CACNA2D1: variants seen among roughly 807,000 people sequenced by gnomAD.
CACNA2D1 encodes calcium voltage-gated channel auxiliary subunit alpha2delta 1, also known as voltage-dependent calcium channel subunit alpha-2/delta-1.
CACNA2D1 carries 53 observed loss-of-function variants against 171.5 expected under a neutral mutation model. The ratio of observed to expected loss-of-function variants is 0.31; its 90% CI spans 0.25 to 0.39. The LOEUF (loss-of-function observed/expected upper bound fraction) is 0.39, where lower values mean the gene tolerates loss of function less well. Ranked by LOEUF, CACNA2D1 falls within the 10% of genes least tolerant of loss-of-function variation. The pLI, the probability that CACNA2D1 is intolerant of heterozygous loss-of-function variation, is 1.00. For synonymous variants in CACNA2D1, 442 were observed against 443.1 expected (o/e 1.00, Z 0.03); for missense variants, 903 against 1,299.8 (o/e 0.69, Z 4.69).
intron 6 of CACNA2D1, among the ~76,000 whole-genome samples, chr7:82,089,920 T>A (rs1156459834): frequency 6.6e-6 from 1 of 152,180 alleles, no homozygotes; most frequent in Non-Finnish European, 1.5e-5. Context: ...CATACATTGA[T>A]GGCACCATAT....
intron 1 of CACNA2D1, among the ~76,000 whole-genome samples, chr7:82,358,240 T>C (rs1338215519): frequency 6.6e-6 from 1 of 152,142 alleles, no homozygotes; most frequent in East Asian, 1.9e-4. Context: ...AGTGTTCCTG[T>C]AGTTGGGTAA....
At chr7:82,344,993 C>T (rs182037160) in intron 2 of CACNA2D1, among the ~76,000 whole-genome samples, 227 of 152,148 alleles carry the variant, frequency 1.5e-3, no homozygotes, top group African/African-American at 5.1e-3. Flanking sequence ...TCAGCACTCC[C>T]GGAAATCTTT....
intron 3 of CACNA2D1, among the ~76,000 whole-genome samples, chr7:82,232,999 C>T (rs1803141585): frequency 6.6e-6 from 1 of 151,394 alleles, no homozygotes; most frequent in South Asian, 2.1e-4. Flanking sequence ...ACAGATACTC[C>T]AGGATTGCCT....
chr7:82,000,771 C>CTTTTTTTTTTTTTTTT (rs774565705), intron 18 of CACNA2D1, among the ~76,000 whole-genome samples: 11 of 51,912 alleles, frequency 2.1e-4, no homozygotes, highest in Non-Finnish European at 3.3e-4. Context: ...ATTTTTCTTT[C>CTTTTTTTTTTTTTTTT]TTTTTTTTTT....
At chr7:82,186,619 A>AT (rs1202646636) in intron 3 of CACNA2D1, among the ~76,000 whole-genome samples, 1 of 152,146 alleles carries the variant, frequency 6.6e-6, no homozygotes, top group Non-Finnish European at 1.5e-5. Context: ...TCAAAGAAAT[A>AT]TTTTTAGGTA....
chr7:82,050,610 G>A (rs904446303), intron 10 of CACNA2D1: 1 of 702,820 alleles, frequency 1.4e-6, no homozygotes. Context: ...TCGGGAGAAG[G>A]AGAAATCTCT....
chr7:82,268,365 A>G (rs947732898), intron 3 of CACNA2D1, among the ~76,000 whole-genome samples: 2 of 152,214 alleles, frequency 1.3e-5, no homozygotes, highest in Non-Finnish European at 2.9e-5. Flanking sequence ...CAGATATGAT[A>G]TAACCTTTAA....
intron 20 of CACNA2D1, among the ~76,000 whole-genome samples, chr7:81,993,184 A>T (rs539160023): frequency 6.6e-6 from 1 of 152,270 alleles, no homozygotes; most frequent in African/African-American, 2.4e-5. Flanking sequence ...CATGACCATG[A>T]AAAAAATGTT....
intron 6 of CACNA2D1, among the ~76,000 whole-genome samples, chr7:82,102,954 C>A (rs901409759): frequency 6.6e-6 from 1 of 152,132 alleles, no homozygotes; most frequent in African/African-American, 2.4e-5. Context: ...TCATTACAGA[C>A]ATAACCTATA....
At chr7:82,094,296 T>C (rs1811597356) in intron 6 of CACNA2D1, among the ~76,000 whole-genome samples, 1 of 152,072 alleles carries the variant, frequency 6.6e-6, no homozygotes, top group Admixed American at 6.6e-5. Flanking sequence ...TACCGAATCA[T>C]AATATATAAA....
At chr7:82,201,477 T>G (rs1470565227) in intron 3 of CACNA2D1, among the ~76,000 whole-genome samples, 1 of 152,192 alleles carries the variant, frequency 6.6e-6, no homozygotes, top group East Asian at 1.9e-4. Flanking sequence ...AAAGACCACT[T>G]AGCAAATACA....
chr7:81,986,125 T>C (rs772839439), intron 21 of CACNA2D1, among the ~76,000 whole-genome samples: 13 of 152,212 alleles, frequency 8.5e-5, no homozygotes, highest in Non-Finnish European at 1.5e-4. Flanking sequence ...CCACATGTGC[T>C]ATGGAGCCAC....
intron 1 of CACNA2D1, among the ~76,000 whole-genome samples, chr7:82,394,591 A>G (rs887635097): frequency 1.3e-5 from 2 of 152,160 alleles, no homozygotes; most frequent in African/African-American, 4.8e-5. Context: ...AAAATGAATC[A>G]TTCCTGAAGC....
At chr7:82,157,407 C>T (rs1264935829) in intron 4 of CACNA2D1, among the ~76,000 whole-genome samples, 2 of 151,934 alleles carry the variant, frequency 1.3e-5, no homozygotes, top group African/African-American at 2.4e-5. Context: ...TGTCTTTTTC[C>T]ACCATATCCA....
chr7:82,138,449 G>T (rs144893434), intron 4 of CACNA2D1, among the ~76,000 whole-genome samples: 4,566 of 101,224 alleles, frequency 0.045, 220 homozygotes, highest in East Asian at 0.072. Context: ...TGTTTTTTTT[G>T]TTTTTTTTTT....
At chr7:81,961,324 C>A (rs1221493288) in intron 36 of CACNA2D1, among the ~76,000 whole-genome samples, 1 of 151,916 alleles carries the variant, frequency 6.6e-6, no homozygotes, top group South Asian at 2.1e-4. Flanking sequence ...TTTATGGATA[C>A]TGACTAACAT....
At chr7:82,165,850 G>C (rs1795405967) in intron 4 of CACNA2D1, among the ~76,000 whole-genome samples, 1 of 151,986 alleles carries the variant, frequency 6.6e-6, no homozygotes, top group Non-Finnish European at 1.5e-5. Context: ...AACTAAGAAA[G>C]ACTAAATAAA....
In CACNA2D1 at chr7:81,974,569, T is replaced by A; in HGVS notation, c.1956-17A>T. ...CAGTAATCTCTGAAAAAAAAACATT[T>A]TGAGATATTAGATATTAAAATCAAA... On this transcript the variant is annotated splice_polypyrimidine_tract_variant and intron_variant, in intron 24 of 38. Coordinates refer to ENST00000356860, the MANE Select transcript of CACNA2D1 (RefSeq NM_000722.4). 1 of 1,278,936 alleles carries A rather than the reference T, an allele frequency of 7.8e-7. No homozygotes were observed. Among genetic ancestry groups the A allele is most frequent in the Non-Finnish European group, 1.1e-6 (1 of 881,752 alleles). 79.2% of individuals were successfully genotyped at this position (1,278,936 alleles called of 1,614,324 possible).
Position 82,217,394 on chromosome 7 carries a change from CATATATATATAT to C in CACNA2D1, c.295-46797_295-46786del, listed in dbSNP as rs6150191. On this transcript the variant is annotated intron_variant, in intron 3 of 38. Transcript: ENST00000356860. ...ACACACATATACACACACACACATA[CATATATATATAT>C]ATATATATATATATATATATCAGGA... Among the ~76,000 whole-genome samples, 163 of 102,548 alleles carry C rather than the reference CATATATATATAT, an allele frequency of 1.6e-3. 8 individuals carry two copies. Among genetic ancestry groups the C allele is most frequent in the African/African-American group, 5.3e-3 (96 of 18,160 alleles). The allele number at this position is 102,548 out of a possible 152,430, so 67.3% of individuals were successfully genotyped here.
Sources: gnomAD v4.1 joint callset for allele counts (sites outside exome capture counted in the v4.1 genomes callset) on GRCh38, gnomAD v4.1.1 for gene constraint, MANE v1.5 for transcripts, NCBI Gene and HGNC (gene_info 2026-07-23, HGNC 2026-07-21) for gene names.